TLN1: variants seen among roughly 807,000 people sequenced by gnomAD.
TLN1 encodes the protein talin 1, also known as talin-1.
TLN1 carries 56 observed loss-of-function variants against 292.3 expected under a neutral mutation model. The observed-to-expected ratio is 0.19, with a 90% CI of 0.15 to 0.24. The LOEUF is 0.24. Among genes scored for constraint, TLN1 ranks in the 10% least tolerant of loss-of-function variants. The pLI, the probability that TLN1 is intolerant of heterozygous loss-of-function variation, is 1.00. For missense variants in TLN1, 2,433 were observed against 3,248.2 expected (o/e 0.75, Z 6.10); for synonymous variants, 1,119 against 1,253.7 (o/e 0.89, Z 2.27).
intron 1 of TLN1, among the ~76,000 whole-genome samples, chr9:35,726,594 C>G (rs1825982490): frequency 6.6e-6 from 1 of 152,182 alleles, no homozygotes; most frequent in Non-Finnish European, 1.5e-5. Context: ...CAAACTCTAG[C>G]TAGCCTGGCA....
chr9:35,726,306 G>A (rs1825977613), intron 1 of TLN1, among the ~76,000 whole-genome samples: 1 of 152,172 alleles, frequency 6.6e-6, no homozygotes, highest in African/African-American at 2.4e-5. Context: ...ACACTGCCCT[G>A]CCCCACCACT....
rs1825807065 is a variant in TLN1, at chr9:35,717,472, C to G, written c.2164-32G>C. The G allele has an allele frequency of 6.2e-7, 1 of 1,600,478 alleles. No individual in the cohort carries two copies. Among genetic ancestry groups the G allele is most frequent in the Admixed American group, 1.7e-5 (1 of 59,562 alleles). ...GTAAAGTGAATGTCAGAGACGTAGG[C>G]AAGGGAAAGGAGGTAGAGTATGCTG... On this transcript the variant is annotated intron_variant, in intron 18 of 56. Transcript: ENST00000314888. This position sits in a 1 kb window ranked among gnomAD's most constrained non-coding sequence, Gnocchi z 4.7.
rs1563946475 is a variant in TLN1, at chr9:35,722,166, G to A, written c.901C>T (p.Leu301=). ...CCGTAAGTCTTGAGAGAACGGGCTA[G>A]CTTCACGTAGCGGACCTTGGCCTCA... ...EIEAKVRYVK[L]ARSLKTYGVS... is the part of the protein sequence containing the mutation. The change falls in exon 9 of 57, where the codon CTA becomes TTA. Residue 301 remains leucine, a synonymous_variant. Transcript: ENST00000314888. 2 of 1,614,232 alleles carry A rather than the reference G, an allele frequency of 1.2e-6. No individual in the cohort carries two copies. The highest frequency in any genetic ancestry group is 8.5e-7 in the Non-Finnish European group (1 of 1,180,036).
chr9:35,716,639 G>T, intron 19 of TLN1, 83 bp from the exon 20 acceptor site: 1 of 1,458,812 alleles, frequency 6.9e-7, no homozygotes, highest in Non-Finnish European at 9.3e-7. Flanking sequence ...GAAAAGTGGT[G>T]TAGACAAGGT....
At position 35,703,083 on chromosome 9, in the gene TLN1, T is replaced by C. The variant is rs527381158; in HGVS notation, c.6474+477A>G. On this transcript the variant is annotated intron_variant, in intron 48 of 56. Coordinates refer to ENST00000314888, the MANE Select transcript of TLN1 (RefSeq NM_006289.4). ...TGGGAGGCCAAGGCGGGTGGATCACTTGAGGCCAGGAGTTCGAGACCAGCC... is the reference window on the plus strand; with the variant it reads ...TGGGAGGCCAAGGCGGGTGGATCACCTGAGGCCAGGAGTTCGAGACCAGCC... Among the ~76,000 whole-genome samples, 4 of 152,028 alleles carry C rather than the reference T, an allele frequency of 2.6e-5. No homozygotes were observed. In the South Asian group the frequency reaches 8.3e-4, roughly 32 times the overall value.
chr9:35,703,228 T>G (rs1484131820), intron 48 of TLN1, among the ~76,000 whole-genome samples: 1 of 151,666 alleles, frequency 6.6e-6, no homozygotes, highest in East Asian at 1.9e-4. Flanking sequence ...ACCTGGGAGG[T>G]GGAGGTTGTA....
In TLN1 at chr9:35,697,926, G is replaced by T; in HGVS notation, c.7501-10C>A. 6.2e-7 allele frequency: 1 copy of T among 1,614,046 alleles called. No homozygotes were observed. Among genetic ancestry groups the T allele is most frequent in the African/African-American group, 1.3e-5 (1 of 74,994 alleles). On this transcript the variant is annotated splice_polypyrimidine_tract_variant and intron_variant, in intron 56 of 56. Transcript: ENST00000314888. ...CCTGTGCTGCGATGATCTGAGGGTG[G>T]AGATCGGGGACTTAGTTCAGTGAGG... is the stretch of plus-strand genomic sequence containing the variant.
Position 35,699,274 on chromosome 9 carries a change from GCA to G in TLN1, c.6874+80_6874+81del. 4 of 1,564,494 alleles carry G rather than the reference GCA, an allele frequency of 2.6e-6. No homozygotes were observed. The highest frequency in any genetic ancestry group is 3.5e-6 in the Non-Finnish European group (4 of 1,152,332). On this transcript the variant is annotated intron_variant, in intron 51 of 56. Coordinates refer to ENST00000314888, the MANE Select transcript of TLN1 (RefSeq NM_006289.4). The surrounding 1 kb of genome is among the most constrained non-coding windows in gnomAD (Gnocchi z 4.0). ...CTGTGGGGACTATGGTCAGAGGCTA[GCA>G]CAGAGCTGTCCAGCCAGGAAGCAGA...
intron 1 of TLN1, among the ~76,000 whole-genome samples, chr9:35,727,373 T>G (rs2131911883): frequency 6.6e-6 from 1 of 151,940 alleles, no homozygotes; most frequent in South Asian, 2.1e-4. Context: ...TGAGGAGAAT[T>G]GAAAATCTAA....
chr9:35,726,829 G>A (rs1825986385), intron 1 of TLN1, among the ~76,000 whole-genome samples: 3 of 152,186 alleles, frequency 2.0e-5, no homozygotes. Context: ...GGGAGGCCAG[G>A]AAACATTTTC....
chr9:35,711,106 G>C lies in TLN1; in HGVS notation c.4020-24C>G, dbSNP rs760086805. ...CCCTGGGAGTGACAGAAAGTTGAGT[G>C]AAAAGGTGAATAGGTCATCATTCCT... is the stretch of plus-strand genomic sequence containing the variant. On this transcript the variant is annotated intron_variant, in intron 30 of 56. Transcript: ENST00000314888. 1.3e-5 allele frequency: 21 copies of C among 1,613,312 alleles called. No individual in the cohort carries two copies. The East Asian group carries it at 4.7e-4, about 36-fold the overall frequency.
chr9:35,726,436 T>C (rs1283617834), intron 1 of TLN1, among the ~76,000 whole-genome samples: 4 of 152,212 alleles, frequency 2.6e-5, no homozygotes, highest in African/African-American at 9.6e-5. Context: ...TTTTCTCTCT[T>C]TGTCTCCTGC....
chr9:35,716,795 T>C (rs1825791626), intron 19 of TLN1, among the ~76,000 whole-genome samples: 1 of 152,178 alleles, frequency 6.6e-6, no homozygotes, highest in South Asian at 2.1e-4. Flanking sequence ...CCAATGGGTA[T>C]TTTCAGCCAG....
chr9:35,721,584 C>A, intron 10 of TLN1, 64 bp downstream of exon 10: 1 of 1,562,656 alleles, frequency 6.4e-7, no homozygotes, highest in African/African-American at 1.4e-5. Context: ...AGGGAAGAGA[C>A]CTCTGCAGCT....
At position 35,713,985 on chromosome 9, in the gene TLN1, C is replaced by A; in HGVS notation, c.3217G>T (p.Asp1073Tyr). Reference sequence around the variant, plus strand: ...CCAGGTAAGGGTTTAAGCTTGCCATCTCGAGCTGCTGCCTTCACTTCCTGT... The same window carrying A: ...CCAGGTAAGGGTTTAAGCTTGCCATATCGAGCTGCTGCCTTCACTTCCTGT... ...DLQEVKAAAR[D>Y]GKLKPLPGET... is the part of the protein sequence containing the mutation. The change falls in exon 25 of 57, where the codon GAT becomes TAT. Residue 1073 changes from aspartate (D) to tyrosine (Y), a missense_variant. Coordinates refer to ENST00000314888, the MANE Select transcript of TLN1 (RefSeq NM_006289.4). The A allele has an allele frequency of 6.2e-7, 1 of 1,614,202 alleles. No individual in the cohort carries two copies.
rs1206632552 is a variant in TLN1 at position 35,720,097 on chromosome 9, G to A, written c.1406C>T (p.Pro469Leu). ...GCTGGTAATCTGCTGCTGGGCAGGG[G>A]GCATGCTGCCCACCTGGAAATTCTC... is the stretch of plus-strand genomic sequence containing the variant. Reference protein sequence around the residue: ...GPENFQVGSMPPAQQQITSGQ... With the variant: ...GPENFQVGSMLPAQQQITSGQ... The change falls in exon 13 of 57, where the codon CCC becomes CTC. Residue 469 changes from proline (P) to leucine (L), a missense_variant. Transcript: ENST00000314888. The A allele has an allele frequency of 3.7e-6, 6 of 1,610,826 alleles. No individual in the cohort carries two copies. The highest frequency in any genetic ancestry group is 2.7e-5 in the African/African-American group (2 of 74,862).
chr9:35,716,360 G>C (rs1405402350), intron 20 of TLN1, 30 bp downstream of exon 20: 1 of 1,613,314 alleles, frequency 6.2e-7, no homozygotes, highest in South Asian at 1.1e-5. Context: ...CTAGGGTCCA[G>C]TCTGGGAGTG....
chr9:35,698,364 C>A lies in TLN1; in HGVS notation c.7330G>T (p.Val2444Phe). 1 of 1,614,200 alleles carries A rather than the reference C, an allele frequency of 6.2e-7. No individual in the cohort carries two copies. Among genetic ancestry groups the A allele is most frequent in the Non-Finnish European group, 8.5e-7 (1 of 1,180,050 alleles). ...STAQLLVACKVKADQDSEAMK... is the reference protein window; with the variant it reads ...STAQLLVACKFKADQDSEAMK... Reference sequence around the variant, plus strand: ...GCCTCCGAGTCCTGGTCAGCCTTGACCTTGCAGGCCACAAGGAGCTGGGCT... The same window carrying A: ...GCCTCCGAGTCCTGGTCAGCCTTGAACTTGCAGGCCACAAGGAGCTGGGCT... Residue 2444 changes from valine (V) to phenylalanine (F), a missense_variant, in exon 55 of 57, where the codon GTC becomes TTC. Coordinates refer to ENST00000314888, the MANE Select transcript of TLN1 (RefSeq NM_006289.4). The surrounding 1 kb of genome is among the most constrained non-coding windows in gnomAD (Gnocchi z 5.3).
intron 17 of TLN1, among the ~76,000 whole-genome samples, chr9:35,718,178 T>C (rs1825818193): frequency 6.6e-6 from 1 of 152,220 alleles, no homozygotes; most frequent in Non-Finnish European, 1.5e-5. Flanking sequence ...TCCTGGAGTC[T>C]TGGGAGCAAG....
Sources: allele counts gnomAD v4.1 joint callset (sites outside exome capture counted in the v4.1 genomes callset), GRCh38; gene constraint gnomAD v4.1.1; non-coding constraint Gnocchi (gnomAD v3.1); transcripts MANE v1.5; gene names NCBI Gene and HGNC (gene_info 2026-07-23, HGNC 2026-07-21).